Variants in GALNT10 observed in about 807,000 individuals in gnomAD.
GALNT10 encodes GalNAc transferase 10.
GALNT10 carries 41 observed loss-of-function variants against 75.0 expected under a neutral mutation model. That is an observed-to-expected ratio of 0.55 (90% CI 0.43 to 0.71). The LOEUF is 0.71. Among genes scored for constraint, GALNT10 ranks in the 30% least tolerant of loss-of-function variants. GALNT10 has a pLI of 0.00. For synonymous variants in GALNT10, 302 were observed against 313.0 expected (o/e 0.96, Z 0.37); for missense variants, 727 against 818.5 (o/e 0.89, Z 1.36).
chr5:154,267,741 A>G (rs532967834), intron 1 of GALNT10, among the ~76,000 whole-genome samples: 1 of 152,308 alleles, frequency 6.6e-6, no homozygotes, highest in East Asian at 1.9e-4. Flanking sequence ...AGCCAAAAGC[A>G]TGTGATTTTC....
intron 4 of GALNT10, among the ~76,000 whole-genome samples, chr5:154,331,453 G>C (rs13168156): frequency 0.079 from 12,039 of 152,178 alleles, 525 homozygotes; most frequent in Middle Eastern, 0.18. Context: ...CCTTGACCCA[G>C]TCACTTCCCC....
intron 3 of GALNT10, among the ~76,000 whole-genome samples, chr5:154,301,880 C>T (rs1465414508): frequency 6.6e-6 from 1 of 152,098 alleles, no homozygotes; most frequent in African/African-American, 2.4e-5. Context: ...CTAAGGAGGC[C>T]TTAGATACCT....
intron 4 of GALNT10, among the ~76,000 whole-genome samples, chr5:154,364,705 T>G (rs1038091145): frequency 6.6e-6 from 1 of 152,078 alleles, no homozygotes. Flanking sequence ...TAATAACACC[T>G]TAAACGATAG....
In GALNT10 at chr5:154,298,134, T is replaced by C; in HGVS notation, c.401+55T>C. 13 of 1,535,962 alleles carry C rather than the reference T, an allele frequency of 8.5e-6. No individual in the cohort carries two copies. Among genetic ancestry groups the C allele is most frequent in the Non-Finnish European group, 1.2e-5 (13 of 1,119,050 alleles). ...TCTAAGGATGTTTCCCTGGCTGTTG[T>C]TGAGAATTAATTAAGGAAGCAGGTA... On this transcript the variant is annotated intron_variant, in intron 3 of 11. Transcript: ENST00000297107. This position sits in a 1 kb window ranked among gnomAD's most constrained non-coding sequence, Gnocchi z 4.1.
At chr5:154,324,142 A>G (rs896568966) in intron 3 of GALNT10, among the ~76,000 whole-genome samples, 10 of 152,186 alleles carry the variant, frequency 6.6e-5, no homozygotes, top group African/African-American at 2.4e-4. Flanking sequence ...CTTCAGGCTC[A>G]TTGTGTGTAA....
chr5:154,376,370 G>A lies in GALNT10; in HGVS notation c.662G>A (p.Arg221Gln), dbSNP rs746426348. The A allele has an allele frequency of 5.0e-6, 8 of 1,609,850 alleles. No individual in the cohort carries two copies. The highest frequency in any genetic ancestry group is 2.2e-5 in the East Asian group (1 of 44,708). Residue 221 changes from arginine to glutamine, a missense_variant, in exon 5 of 12, where the codon CGA becomes CAA. Coordinates refer to ENST00000297107, the MANE Select transcript of GALNT10 (RefSeq NM_198321.4). This position sits in a 1 kb window ranked among gnomAD's most constrained non-coding sequence, Gnocchi z 4.1. ...AAACGGGAAGGGCTGATAAGGACCC[G>A]AATGCTGGGGGCCTCAGTGGCAACT... ...TKKREGLIRT[R>Q]MLGASVATGD...
At chr5:154,296,277 G>A (rs972649009) in intron 2 of GALNT10, among the ~76,000 whole-genome samples, 2 of 152,114 alleles carry the variant, frequency 1.3e-5, no homozygotes, top group African/African-American at 4.8e-5. Context: ...TGTATTTTTA[G>A]TGGAGTTGGG....
At chr5:154,253,283 A>G (rs2063568633) in intron 1 of GALNT10, among the ~76,000 whole-genome samples, 1 of 151,230 alleles carries the variant, frequency 6.6e-6, no homozygotes, top group Non-Finnish European at 1.5e-5. Flanking sequence ...TCAGCAAATT[A>G]TCGCGAGGAC....
At chr5:154,363,492 G>GAAAAAAAA (rs57710576) in intron 4 of GALNT10, among the ~76,000 whole-genome samples, 2 of 37,520 alleles carry the variant, frequency 5.3e-5, no homozygotes, top group Non-Finnish European at 5.4e-5. Flanking sequence ...GCGTTTATCT[G>GAAAAAAAA]AAAAAAAAAA....
chr5:154,338,091 T>C, intron 4 of GALNT10: 1 of 1,143,906 alleles, frequency 8.7e-7, no homozygotes, highest in South Asian at 1.2e-5. Context: ...GCATCTTCTT[T>C]AATGCCACCA....
chr5:154,356,162 C>A (rs1476745144), intron 4 of GALNT10: 4 of 456,218 alleles, frequency 8.8e-6, no homozygotes, highest in Non-Finnish European at 1.8e-5. Flanking sequence ...GATCTGCCGA[C>A]TGCATCAACT....
chr5:154,258,417 C>G (rs1190224659), intron 1 of GALNT10, among the ~76,000 whole-genome samples: 1 of 152,198 alleles, frequency 6.6e-6, no homozygotes, highest in Admixed American at 6.5e-5. Flanking sequence ...AAAATCCACA[C>G]ACATATACCT....
intron 7 of GALNT10, among the ~76,000 whole-genome samples, chr5:154,400,991 C>T (rs1699088792): frequency 6.6e-6 from 1 of 152,172 alleles, no homozygotes; most frequent in Admixed American, 6.5e-5. Flanking sequence ...AGTCGGCCAC[C>T]AGGGCATCCT....
At chr5:154,364,514 A>C (rs1261977173) in intron 4 of GALNT10, among the ~76,000 whole-genome samples, 1 of 152,116 alleles carries the variant, frequency 6.6e-6, no homozygotes, top group African/African-American at 2.4e-5. Context: ...GGTGTTTTGC[A>C]TGGGGAGGGG....
At chr5:154,325,982 A>G (rs1293965523) in intron 3 of GALNT10, among the ~76,000 whole-genome samples, 2 of 152,220 alleles carry the variant, frequency 1.3e-5, no homozygotes, top group African/African-American at 4.8e-5. Context: ...TAAGGAGTTT[A>G]TACAAAATTA....
intron 1 of GALNT10, among the ~76,000 whole-genome samples, chr5:154,265,099 A>G (rs1286616528): frequency 1.3e-5 from 2 of 152,192 alleles, no homozygotes; most frequent in Non-Finnish European, 2.9e-5. Context: ...AGATTTCTTG[A>G]TGAGTATTCT....
chr5:154,217,539 T>G (rs1389285894), intron 1 of GALNT10, among the ~76,000 whole-genome samples: 1 of 152,154 alleles, frequency 6.6e-6, no homozygotes, highest in Non-Finnish European at 1.5e-5. Flanking sequence ...CCCTGTCTCG[T>G]CTCAAGAAAG....
chr5:154,345,596 C>A (rs946622948), intron 4 of GALNT10, among the ~76,000 whole-genome samples: 1 of 146,346 alleles, frequency 6.8e-6, no homozygotes. Context: ...CCTCCAAGTT[C>A]ATCCAGGTTG....
At chr5:154,271,754 G>T (rs1753869149) in intron 1 of GALNT10, among the ~76,000 whole-genome samples, 1 of 152,244 alleles carries the variant, frequency 6.6e-6, no homozygotes, top group East Asian at 1.9e-4. Context: ...AGAGGAAAGA[G>T]TCAAAAGCCA....
Sources: allele counts gnomAD v4.1 joint callset (sites outside exome capture counted in the v4.1 genomes callset), GRCh38; gene constraint gnomAD v4.1.1; non-coding constraint Gnocchi (gnomAD v3.1); transcripts MANE v1.5; gene names NCBI Gene and HGNC (gene_info 2026-07-23, HGNC 2026-07-21).